The following RBFOX1 variants were observed in gnomAD, a reference collection of about 807,000 sequenced individuals.
RBFOX1 encodes the protein RNA binding fox-1 homolog 1.
A neutral mutation model predicts 57.7 loss-of-function variants in RBFOX1; 8 were observed. The ratio of observed to expected loss-of-function variants is 0.14; its 90% CI spans 0.08 to 0.25. The LOEUF is 0.25. RBFOX1 is among the 10% of genes least tolerant of loss of function. The pLI is 1.00. For synonymous variants in RBFOX1, 326 were observed against 222.4 expected (o/e 1.47, Z -4.15); for missense variants, 611 against 548.5 (o/e 1.11, Z -1.14).
chr16:6,015,145 G>C (rs2094985670), upstream of RBFOX1, among the ~76,000 whole-genome samples: 1 of 152,140 alleles, frequency 6.6e-6, no homozygotes, highest in Non-Finnish European at 1.5e-5. Flanking sequence ...GTATGAGCAA[G>C]AGCCACCACC....
At chr16:6,922,076 A>C (rs575135586) in intron 3 of RBFOX1, among the ~76,000 whole-genome samples, 1 of 152,286 alleles carries the variant, frequency 6.6e-6, no homozygotes, top group Admixed American at 6.5e-5. Flanking sequence ...CAGGTTAATC[A>C]CTGCCCAGAT....
chr16:5,894,637 T>C (rs1355411271), intron 4 of RBFOX1, among the ~76,000 whole-genome samples: 2 of 151,930 alleles, frequency 1.3e-5, no homozygotes, highest in Non-Finnish European at 2.9e-5. Context: ...GAGCCCTGAG[T>C]TTCCTTCTGA....
intron 4 of RBFOX1, among the ~76,000 whole-genome samples, chr16:5,973,412 C>G (rs1000768348): frequency 3.9e-5 from 6 of 152,220 alleles, no homozygotes; most frequent in Admixed American, 3.9e-4. Context: ...GTTAGTATGT[C>G]TTGCCATTTT....
chr16:7,373,329 A>G (rs537970247), intron 4 of RBFOX1, among the ~76,000 whole-genome samples: 95 of 152,304 alleles, frequency 6.2e-4, no homozygotes, highest in Admixed American at 3.1e-3. Context: ...AGATCACAAT[A>G]CATGTTATAG....
chr16:5,392,796 C>T (rs1057075600), intron 1 of RBFOX1, among the ~76,000 whole-genome samples: 42 of 152,140 alleles, frequency 2.8e-4, no homozygotes, highest in African/African-American at 9.9e-4. Flanking sequence ...GTTGTACACT[C>T]GCCCCTGACC....
chr16:7,227,815 A>G (rs993000154), intron 4 of RBFOX1, among the ~76,000 whole-genome samples: 1 of 152,190 alleles, frequency 6.6e-6, no homozygotes. Context: ...CGGCAGCTGC[A>G]TGTGTGGGTA....
chr16:5,438,634 C>T (rs1300731264), intron 1 of RBFOX1, among the ~76,000 whole-genome samples: 1 of 152,140 alleles, frequency 6.6e-6, no homozygotes, highest in Non-Finnish European at 1.5e-5. Context: ...TCTGCTGGCC[C>T]ATGGAAGTAT....
At position 6,234,819 on chromosome 16, in the gene RBFOX1, A is replaced by G. The variant is rs188275000; in HGVS notation, c.-126-82176A>G. Among the ~76,000 whole-genome samples the G allele has an allele frequency of 4.4e-3, 664 of 151,260 alleles. 4 individuals are homozygous for G. The highest frequency in any genetic ancestry group is 0.016 in the African/African-American group (642 of 41,330). On this transcript the variant is annotated intron_variant, in intron 1 of 15. Coordinates refer to ENST00000550418, the MANE Select transcript of RBFOX1 (RefSeq NM_018723.4). ...ACATACGCATGAACTACACACAGAC[A>G]CACACACACACACACAGGCACACAT...
In RBFOX1 at chr16:6,506,093, G is replaced by A. The variant is rs80163596; in HGVS notation, c.-63-148510G>A. 4.6e-5 allele frequency among the ~76,000 whole-genome samples: 7 copies of A among 152,292 alleles called. No homozygotes were observed. The East Asian group carries it at 1.4e-3, about 29-fold the overall frequency. ...AAAGGTGCACCCTTGCATATATCCA[G>A]ACATGCCCTACTAAGAAAGTGGCAC... is the stretch of plus-strand genomic sequence containing the variant. On this transcript the variant is annotated intron_variant, in intron 2 of 15. Transcript: ENST00000550418.
At chr16:5,706,730 C>A (rs987883005) in intron 3 of RBFOX1, among the ~76,000 whole-genome samples, 6 of 151,676 alleles carry the variant, frequency 4.0e-5, no homozygotes, top group African/African-American at 1.5e-4. Flanking sequence ...ATTTTTTTTC[C>A]TACGATGGTT....
chr16:7,373,736 G>C (rs1361306974), intron 4 of RBFOX1, among the ~76,000 whole-genome samples: 1 of 152,210 alleles, frequency 6.6e-6, no homozygotes. Flanking sequence ...TGATACAGGG[G>C]CCCAGCTCTT....
At chr16:6,865,261 C>G (rs1055945230) in intron 3 of RBFOX1, among the ~76,000 whole-genome samples, 4 of 151,794 alleles carry the variant, frequency 2.6e-5, no homozygotes, top group Non-Finnish European at 4.4e-5. Context: ...CCTTGGCCTC[C>G]CACAGTACTG....
intron 14 of RBFOX1, among the ~76,000 whole-genome samples, chr16:7,682,191 T>C (rs1050264910): frequency 2.6e-5 from 4 of 152,186 alleles, no homozygotes; most frequent in Admixed American, 2.6e-4. Flanking sequence ...TTTCATGTTC[T>C]TCCTTGGCAA....
chr16:7,112,275 T>C (rs2064941844), intron 4 of RBFOX1, among the ~76,000 whole-genome samples: 1 of 152,106 alleles, frequency 6.6e-6, no homozygotes, highest in African/African-American at 2.4e-5. Context: ...CAATCTCGGC[T>C]CACTGCAACC....
In RBFOX1 at chr16:7,286,340, A is replaced by T. The variant is rs181152999; in HGVS notation, c.28-231807A>T. Among the ~76,000 whole-genome samples the T allele has an allele frequency of 2.0e-5, 3 of 152,240 alleles. No homozygotes were observed. The East Asian group carries it at 5.8e-4, about 29-fold the overall frequency. ...ACATCATGTGGCTTTGCAGGATCCC[A>T]AGGGTCTAGGTTCTTGCCACTTTAT... On this transcript the variant is annotated intron_variant, in intron 4 of 15. Coordinates refer to ENST00000550418, the MANE Select transcript of RBFOX1 (RefSeq NM_018723.4).
intron 3 of RBFOX1, among the ~76,000 whole-genome samples, chr16:5,818,910 C>G (rs1480171023): frequency 1.3e-5 from 2 of 152,180 alleles, no homozygotes; most frequent in Non-Finnish European, 1.5e-5. Context: ...AATACATCAC[C>G]TTTGACTCAT....
intron 4 of RBFOX1, among the ~76,000 whole-genome samples, chr16:7,285,686 A>G (rs1481570664): frequency 2.0e-5 from 3 of 152,180 alleles, no homozygotes; most frequent in African/African-American, 7.2e-5. Context: ...CTGGAGACTC[A>G]TTGAAACTGC....
At chr16:6,992,837 CAAAAAAA>C (rs3048923) in intron 3 of RBFOX1, among the ~76,000 whole-genome samples, 4 of 118,590 alleles carry the variant, frequency 3.4e-5, no homozygotes, top group Non-Finnish European at 6.8e-5. Flanking sequence ...CTTCCTTTTC[CAAAAAAA>C]AAAAAAAAAA....
intron 2 of RBFOX1, among the ~76,000 whole-genome samples, chr16:5,552,747 G>A (rs879489847): frequency 2.6e-5 from 4 of 152,116 alleles, no homozygotes; most frequent in Non-Finnish European, 5.9e-5. Flanking sequence ...GGTGAGTAAT[G>A]GCTTCCCTTT....
Sources: allele counts gnomAD v4.1 joint callset (sites outside exome capture counted in the v4.1 genomes callset), GRCh38; gene constraint gnomAD v4.1.1; transcripts MANE v1.5; gene names NCBI Gene and HGNC (gene_info 2026-07-23, HGNC 2026-07-21).